The following SIPA1L1 variants were observed in gnomAD, a reference collection of about 807,000 sequenced individuals.
SIPA1L1 encodes the protein signal induced proliferation associated 1 like 1, also known as signal-induced proliferation-associated 1-like protein 1.
Under a neutral mutation model 162.7 loss-of-function variants are expected in SIPA1L1, and 26 were observed. The ratio of observed to expected loss-of-function variants is 0.16; its 90% CI spans 0.12 to 0.22. The LOEUF (loss-of-function observed/expected upper bound fraction) is 0.22, where lower values mean the gene tolerates loss of function less well. Among genes scored for constraint, SIPA1L1 ranks in the 10% least tolerant of loss-of-function variants. The probability of loss-of-function intolerance (pLI) is 1.00; values close to 1 mark genes in which losing one functional copy is unlikely to be tolerated. For missense variants in SIPA1L1, 1,874 were observed against 2,241.0 expected, an observed-to-expected ratio of 0.84 and a Z score of 3.31; for synonymous variants, 829 against 837.4, an observed-to-expected ratio of 0.99 and a Z score of 0.17.
chr14:71,353,047 A>G (rs1432072083), intron 2 of SIPA1L1, among the ~76,000 whole-genome samples: 2 of 152,258 alleles, frequency 1.3e-5, no homozygotes, highest in Non-Finnish European at 2.9e-5. Context: ...AAACCCACAG[A>G]AAAACTGTAC....
intron 4 of SIPA1L1, among the ~76,000 whole-genome samples, chr14:71,568,681 T>A (rs375126761): frequency 1.3e-5 from 2 of 152,186 alleles, no homozygotes; most frequent in African/African-American, 4.8e-5. Context: ...GGCTGCTCCA[T>A]AGACAGAGAA....
At chr14:71,631,899 A>G (rs1285455396) in intron 7 of SIPA1L1, among the ~76,000 whole-genome samples, 2 of 152,228 alleles carry the variant, frequency 1.3e-5, no homozygotes, top group South Asian at 2.1e-4. Context: ...TTCAGGAAGT[A>G]GTTAAGAGAG....
chr14:71,469,697 A>G (rs2047300308), intron 2 of SIPA1L1, among the ~76,000 whole-genome samples: 1 of 152,088 alleles, frequency 6.6e-6, no homozygotes, highest in Non-Finnish European at 1.5e-5. Context: ...CCATATTCTC[A>G]TGTGAAAAAT....
At chr14:71,468,652 T>G (rs2047213809) in intron 2 of SIPA1L1, among the ~76,000 whole-genome samples, 1 of 152,208 alleles carries the variant, frequency 6.6e-6, no homozygotes, top group South Asian at 2.1e-4. Context: ...TCTAGTGTGG[T>G]CTCATGAGAT....
chr14:71,639,418 A>G (rs772743509), intron 7 of SIPA1L1, among the ~76,000 whole-genome samples: 3 of 152,214 alleles, frequency 2.0e-5, no homozygotes, highest in Non-Finnish European at 4.4e-5. Flanking sequence ...CTAAGAAACC[A>G]AAGACCTAAA....
At chr14:71,584,709 A>T (rs1461171665) in intron 4 of SIPA1L1, among the ~76,000 whole-genome samples, 1 of 152,246 alleles carries the variant, frequency 6.6e-6, no homozygotes, top group African/African-American at 2.4e-5. Flanking sequence ...GGCCCTCTAG[A>T]TGGAATTAGT....
At chr14:71,474,125 C>A (rs1467927664) in intron 2 of SIPA1L1, among the ~76,000 whole-genome samples, 1 of 152,192 alleles carries the variant, frequency 6.6e-6, no homozygotes, top group Non-Finnish European at 1.5e-5. Flanking sequence ...GCAAAATTGA[C>A]ACTTGGCTTA....
At chr14:71,501,329 TAAATAAATAA>T (rs1441843477) in intron 2 of SIPA1L1, among the ~76,000 whole-genome samples, 4 of 151,436 alleles carry the variant, frequency 2.6e-5, no homozygotes, top group African/African-American at 9.7e-5. Flanking sequence ...CAAAAATAAA[TAAATAAATAA>T]AAATAAATAT....
intron 2 of SIPA1L1, among the ~76,000 whole-genome samples, chr14:71,499,879 G>A (rs2050068758): frequency 6.6e-6 from 1 of 152,112 alleles, no homozygotes; most frequent in African/African-American, 2.4e-5. Context: ...TTGAGAAGGA[G>A]GTCATTGATA....
At chr14:71,612,815 G>T (rs528050232) in intron 5 of SIPA1L1, among the ~76,000 whole-genome samples, 1 of 152,238 alleles carries the variant, frequency 6.6e-6, no homozygotes, top group South Asian at 2.1e-4. Flanking sequence ...ACTATTCGCT[G>T]TTTCCCCTCA....
intron 4 of SIPA1L1, among the ~76,000 whole-genome samples, chr14:71,582,781 C>T (rs1215960753): frequency 1.3e-5 from 2 of 152,188 alleles, no homozygotes; most frequent in Admixed American, 1.3e-4. Context: ...TTTTTCTCAA[C>T]TCTTCCTGCT....
chr14:71,502,255 A>AATATATATATATAT (rs60241101), intron 2 of SIPA1L1, among the ~76,000 whole-genome samples: 27 of 97,538 alleles, frequency 2.8e-4, no homozygotes, highest in African/African-American at 1.1e-3. Flanking sequence ...AAAAAAAAAA[A>AATATATATATATAT]ATATATATAT....
At chr14:71,493,198 T>C (rs568437432) in intron 2 of SIPA1L1, among the ~76,000 whole-genome samples, 140 of 152,222 alleles carry the variant, frequency 9.2e-4, no homozygotes, top group Non-Finnish European at 1.6e-3. Flanking sequence ...GCCCAAGCAA[T>C]TTTCCTGCCT....
At chr14:71,673,542 T>C (rs1213447784) in intron 12 of SIPA1L1, among the ~76,000 whole-genome samples, 1 of 152,224 alleles carries the variant, frequency 6.6e-6, no homozygotes, top group Non-Finnish European at 1.5e-5. Context: ...TTAATGGTTA[T>C]GATAGGCTAT....
At chr14:71,550,076 G>C (rs1322126192) in intron 4 of SIPA1L1, among the ~76,000 whole-genome samples, 1 of 152,058 alleles carries the variant, frequency 6.6e-6, no homozygotes, top group Admixed American at 6.6e-5. Flanking sequence ...GCGAGACCCT[G>C]TATCTACAAA....
chr14:71,360,274 A>T lies in SIPA1L1; in HGVS notation c.-465+39093A>T, dbSNP rs147328067. Among the ~76,000 whole-genome samples, 14 of 152,348 alleles carry T rather than the reference A, an allele frequency of 9.2e-5. No individual in the cohort carries two copies. The East Asian group carries it at 2.7e-3, about 29-fold the overall frequency. ...GAATGGTTATTTTTATTATCTAAAGATATATTTGACCTTTAGAATTCAGTG... is the reference window on the plus strand; with the variant it reads ...GAATGGTTATTTTTATTATCTAAAGTTATATTTGACCTTTAGAATTCAGTG... On this transcript the variant is annotated intron_variant, in intron 2 of 23. Transcript: ENST00000381232.
chr14:71,453,830 C>T (rs1400708648), intron 2 of SIPA1L1, among the ~76,000 whole-genome samples: 4 of 151,662 alleles, frequency 2.6e-5, no homozygotes, highest in Non-Finnish European at 5.9e-5. Context: ...CCTATCTCTA[C>T]TAAAAATACT....
intron 6 of SIPA1L1, among the ~76,000 whole-genome samples, chr14:71,621,272 T>A (rs1272709411): frequency 1.3e-5 from 2 of 152,236 alleles, no homozygotes; most frequent in Non-Finnish European, 2.9e-5. Context: ...TTCGAAATCC[T>A]TGAAAGCTTC....
At chr14:71,600,330 A>G (rs1480292644) in intron 5 of SIPA1L1, among the ~76,000 whole-genome samples, 1 of 152,112 alleles carries the variant, frequency 6.6e-6, no homozygotes. Flanking sequence ...TCCCAGCACC[A>G]TTTATTGAAG....
Sources: allele counts gnomAD v4.1 joint callset (sites outside exome capture counted in the v4.1 genomes callset), GRCh38; gene constraint gnomAD v4.1.1; transcripts MANE v1.5; gene names NCBI Gene and HGNC (gene_info 2026-07-23, HGNC 2026-07-21).